The following RASSF3 variants were observed in gnomAD, a reference collection of about 807,000 sequenced individuals.
The protein encoded by RASSF3 is Ras association domain family member 3.
Under a neutral mutation model 19.9 loss-of-function variants are expected in RASSF3, and 19 were observed. The observed-to-expected ratio is 0.96, with a 90% CI of 0.67 to 1.40. RASSF3 has a LOEUF of 1.40. Among genes scored for constraint, RASSF3 ranks in the 40% most tolerant of loss-of-function variants. RASSF3 has a pLI of 0.00. For missense variants in RASSF3, 306 were observed against 289.8 expected (o/e 1.06, Z -0.41); for synonymous variants, 110 against 104.2 (o/e 1.06, Z -0.34).
intron 2 of RASSF3, among the ~76,000 whole-genome samples, chr12:64,594,743 C>T (rs1009362801): frequency 3.3e-5 from 5 of 152,122 alleles, no homozygotes; most frequent in African/African-American, 1.2e-4. Context: ...AGAAAATTTA[C>T]ATTTGTAAAG....
intron 2 of RASSF3, among the ~76,000 whole-genome samples, chr12:64,554,695 G>GA (rs1869227995): frequency 6.6e-6 from 1 of 152,142 alleles, no homozygotes; most frequent in African/African-American, 2.4e-5. Flanking sequence ...AGGGGAACTA[G>GA]AAATGGGATG....
chr12:64,677,544 G>A (rs1872954106), intron 1 of RASSF3, among the ~76,000 whole-genome samples: 1 of 152,116 alleles, frequency 6.6e-6, no homozygotes, highest in Admixed American at 6.6e-5. Context: ...CAAAGTGCTG[G>A]GATTATAGGC....
chr12:64,524,997 C>T (rs961652901), intron 1 of RASSF3, among the ~76,000 whole-genome samples: 12 of 152,114 alleles, frequency 7.9e-5, no homozygotes, highest in Admixed American at 3.3e-4. Context: ...TTGTAGTGGC[C>T]GGACACAGTG....
At chr12:64,667,166 G>A (rs573824742) in intron 1 of RASSF3, among the ~76,000 whole-genome samples, 1 of 152,100 alleles carries the variant, frequency 6.6e-6, no homozygotes, top group East Asian at 1.9e-4. Context: ...TCTAAGGTGT[G>A]TTTTTGTTTT....
intron 3 of RASSF3, among the ~76,000 whole-genome samples, chr12:64,690,929 C>T (rs1038137749): frequency 5.9e-5 from 9 of 151,980 alleles, no homozygotes; most frequent in Middle Eastern, 3.4e-3. Context: ...GGCACGATCT[C>T]GGCTCACTCC....
At chr12:64,557,962 G>T (rs1474505745) in intron 2 of RASSF3, among the ~76,000 whole-genome samples, 1 of 152,116 alleles carries the variant, frequency 6.6e-6, no homozygotes, top group Non-Finnish European at 1.5e-5. Context: ...TAAGACCCCA[G>T]ACAGTCATGC....
At chr12:64,690,078 C>T (rs992637708) in intron 3 of RASSF3, among the ~76,000 whole-genome samples, 22 of 152,016 alleles carry the variant, frequency 1.4e-4, no homozygotes, top group Admixed American at 9.2e-4. Flanking sequence ...TGTGAGCCAC[C>T]GCGCCTGGCC....
At chr12:64,570,397 G>T (rs886950161) in intron 2 of RASSF3, among the ~76,000 whole-genome samples, 3 of 152,150 alleles carry the variant, frequency 2.0e-5, no homozygotes, top group Non-Finnish European at 4.4e-5. Flanking sequence ...TCTCATCTGG[G>T]CATCATAATA....
chr12:64,604,196 G>A (rs1233013050), intron 2 of RASSF3, among the ~76,000 whole-genome samples: 2 of 151,384 alleles, frequency 1.3e-5, no homozygotes, highest in Non-Finnish European at 2.9e-5. Context: ...CCTGATCATG[G>A]CTCACTGTAG....
At chr12:64,517,621 CT>C (rs58706283) in intron 1 of RASSF3, among the ~76,000 whole-genome samples, 91,261 of 143,932 alleles carry the variant, frequency 0.63, 28,604 homozygotes, top group Middle Eastern at 0.74. Context: ...TACACACACA[CT>C]TTTTTTTTTT....
At chr12:64,639,809 T>C (rs1871451685) in intron 1 of RASSF3, among the ~76,000 whole-genome samples, 1 of 152,224 alleles carries the variant, frequency 6.6e-6, no homozygotes, top group Non-Finnish European at 1.5e-5. Context: ...TTTCCTATTA[T>C]GGTATAGTTG....
chr12:64,507,077 C>G, exon 1 of RASSF3: 1 of 397,604 alleles, frequency 2.5e-6, no homozygotes, highest in Non-Finnish European at 4.4e-6. Flanking sequence ...GGATTTAGGG[C>G]TAACAGGTGG....
At chr12:64,650,788 C>T (rs1318487689) in intron 1 of RASSF3, among the ~76,000 whole-genome samples, 3 of 152,142 alleles carry the variant, frequency 2.0e-5, no homozygotes, top group African/African-American at 7.2e-5. Flanking sequence ...AATGGTTTCA[C>T]TAAAGGGAAT....
chr12:64,642,371 C>A (rs1871566098), intron 1 of RASSF3, among the ~76,000 whole-genome samples: 1 of 151,430 alleles, frequency 6.6e-6, no homozygotes, highest in Non-Finnish European at 1.5e-5. Context: ...ACAAGCCTGG[C>A]CAAAATGGTG....
At chr12:64,647,956 ATG>A (rs1260246597) in intron 1 of RASSF3, among the ~76,000 whole-genome samples, 1 of 152,222 alleles carries the variant, frequency 6.6e-6, no homozygotes, top group Non-Finnish European at 1.5e-5. Context: ...AGAAATGCAT[ATG>A]TTCAGCCATG....
At chr12:64,604,947 T>C (rs536800716) in intron 2 of RASSF3, among the ~76,000 whole-genome samples, 1 of 151,808 alleles carries the variant, frequency 6.6e-6, no homozygotes, top group Non-Finnish European at 1.5e-5. Flanking sequence ...CCTATCATCT[T>C]TGAGTTTGTC....
chr12:64,649,702 G>T (rs763895334), intron 1 of RASSF3, among the ~76,000 whole-genome samples: 8 of 152,146 alleles, frequency 5.3e-5, no homozygotes, highest in Non-Finnish European at 8.8e-5. Context: ...TTCCAAAGTC[G>T]TCATGCTTAA....
At chr12:64,529,178 T>C (rs1210863435), upstream of RASSF3, among the ~76,000 whole-genome samples, 6 of 152,224 alleles carry the variant, frequency 3.9e-5, no homozygotes, top group Admixed American at 3.9e-4. Flanking sequence ...AGACCTTAAA[T>C]GTCTTTTCTA....
In RASSF3 at chr12:64,610,529, CCGGGGCTGCGCGCCGGGAACCTCG is replaced by C. The variant is rs1407847783; in HGVS notation, c.-95_-72del. ...GCGGCCGCAGCTGCATAAGGACTGC[CCGGGGCTGCGCGCCGGGAACCTCG>C]CGGGGCTGGCGGGCGCCGCACCCCC... On this transcript the variant is annotated 5_prime_UTR_variant, in exon 1 of 5. Transcript: ENST00000542104. 9.7e-5 allele frequency: 41 copies of C among 422,308 alleles called. 1 individual carries two copies. Among genetic ancestry groups the C allele is most frequent in the East Asian group, 8.9e-5 (2 of 22,538 alleles). 26.2% of individuals were successfully genotyped at this position (422,308 alleles called of 1,614,324 possible).
Sources: gnomAD v4.1 joint callset for allele counts (sites outside exome capture counted in the v4.1 genomes callset) on GRCh38, gnomAD v4.1.1 for gene constraint, MANE v1.5 for transcripts, NCBI Gene and HGNC (gene_info 2026-07-23, HGNC 2026-07-21) for gene names.